The following VPS54 variants were observed in gnomAD, a reference collection of about 807,000 sequenced individuals.
VPS54 encodes VPS54 subunit of GARP complex, also known as vacuolar protein sorting-associated protein 54.
VPS54 carries 45 observed loss-of-function variants against 121.5 expected under a neutral mutation model. The ratio of observed to expected loss-of-function variants is 0.37; its 90% CI spans 0.29 to 0.47. The LOEUF is 0.47. Among genes scored for constraint, VPS54 ranks in the 20% least tolerant of loss-of-function variants. VPS54 has a pLI of 0.99. For missense variants in VPS54, 1,090 were observed against 1,131.4 expected, an observed-to-expected ratio of 0.96 and a Z score of 0.52; for synonymous variants, 371 against 385.8, an observed-to-expected ratio of 0.96 and a Z score of 0.45.
At chr2:63,988,362 A>G (rs115627954) in intron 1 of VPS54, among the ~76,000 whole-genome samples, 3,950 of 152,254 alleles carry the variant, frequency 0.026, 157 homozygotes, top group African/African-American at 0.089. Flanking sequence ...CTTGGTCATG[A>G]TGAATAATAT....
intron 4 of VPS54, among the ~76,000 whole-genome samples, chr2:63,970,558 A>T (rs547173817): frequency 5.3e-5 from 8 of 152,176 alleles, no homozygotes; most frequent in Non-Finnish European, 1.0e-4. Context: ...GAACTGCCAT[A>T]AATGCTCTAA....
chr2:63,954,547 C>T (rs1048643969), intron 7 of VPS54, among the ~76,000 whole-genome samples: 2 of 151,910 alleles, frequency 1.3e-5, no homozygotes, highest in African/African-American at 2.4e-5. Context: ...TAGAAATATT[C>T]CAGTGAATAA....
intron 12 of VPS54, 146 bp downstream of exon 12, chr2:63,933,527 T>C (rs1198675582): frequency 1.4e-6 from 1 of 696,912 alleles, no homozygotes; most frequent in East Asian, 2.8e-5. Context: ...TACATTTTTA[T>C]AGAGATACGT....
chr2:63,987,457 T>C (rs1477263727), intron 1 of VPS54, among the ~76,000 whole-genome samples: 1 of 145,562 alleles, frequency 6.9e-6, no homozygotes, highest in Non-Finnish European at 1.5e-5. Context: ...AATCACATCA[T>C]GCGGTTCTTC....
chr2:63,926,899 G>C (rs1399365352), intron 12 of VPS54, among the ~76,000 whole-genome samples: 1 of 152,182 alleles, frequency 6.6e-6, no homozygotes, highest in African/African-American at 2.4e-5. Flanking sequence ...ACAGGAGTCT[G>C]AGATCCACCT....
At chr2:63,970,984 T>C (rs886216212) in intron 4 of VPS54, among the ~76,000 whole-genome samples, 1 of 152,174 alleles carries the variant, frequency 6.6e-6, no homozygotes, top group African/African-American at 2.4e-5. Context: ...AGGCATGTTC[T>C]TCACTGCAAA....
chr2:63,984,105 A>G (rs1676930874), intron 1 of VPS54, 86 bp from the exon 2 acceptor site: 2 of 1,269,792 alleles, frequency 1.6e-6, no homozygotes, highest in African/African-American at 1.5e-5. Flanking sequence ...TTCAAAAGCA[A>G]AAGAATTTTT....
intron 1 of VPS54, among the ~76,000 whole-genome samples, chr2:63,990,805 A>T (rs952323229): frequency 3.3e-5 from 5 of 152,218 alleles, no homozygotes; most frequent in Admixed American, 1.3e-4. Flanking sequence ...AAAGGGTACA[A>T]ATGTGTCGTT....
intron 16 of VPS54, among the ~76,000 whole-genome samples, chr2:63,914,595 T>C (rs922827414): frequency 6.6e-6 from 1 of 152,176 alleles, no homozygotes; most frequent in Admixed American, 6.5e-5. Flanking sequence ...ACTCTCTGTA[T>C]GGCATTCTTA....
At chr2:63,933,529 G>T in intron 12 of VPS54, 144 bp downstream of exon 12, 1 of 698,328 alleles carries the variant, frequency 1.4e-6, no homozygotes, top group Non-Finnish European at 2.3e-6. Context: ...CATTTTTATA[G>T]AGATACGTTT....
intron 7 of VPS54, among the ~76,000 whole-genome samples, chr2:63,960,054 G>C (rs1032221076): frequency 6.6e-6 from 1 of 151,700 alleles, no homozygotes; most frequent in Non-Finnish European, 1.5e-5. Flanking sequence ...AAAATTAGCT[G>C]GGCATGGTGG....
intron 1 of VPS54, among the ~76,000 whole-genome samples, chr2:63,992,485 C>T (rs1249895640): frequency 6.6e-6 from 1 of 152,206 alleles, no homozygotes; most frequent in African/African-American, 2.4e-5. Flanking sequence ...TTAGGTTATC[C>T]TTTTTAATGG....
intron 5 of VPS54, among the ~76,000 whole-genome samples, chr2:63,966,784 A>G (rs1426772883): frequency 2.6e-5 from 4 of 152,068 alleles, no homozygotes; most frequent in Admixed American, 2.6e-4. Flanking sequence ...CCCACTATTT[A>G]CCCATTACAC....
intron 12 of VPS54, 110 bp from the exon 13 acceptor site, chr2:63,921,445 A>G: frequency 8.2e-7 from 1 of 1,223,194 alleles, no homozygotes; most frequent in South Asian, 1.6e-5. Context: ...ACATTTGAAG[A>G]AAAATTCTAT....
intron 12 of VPS54, among the ~76,000 whole-genome samples, chr2:63,926,932 G>A (rs913492991): frequency 5.9e-5 from 9 of 152,152 alleles, no homozygotes; most frequent in African/African-American, 2.2e-4. Flanking sequence ...CTTGGTGGGG[G>A]GAGAGGCGTC....
intron 7 of VPS54, 89 bp downstream of exon 7, chr2:63,961,969 A>T: frequency 7.6e-7 from 1 of 1,312,126 alleles, no homozygotes; most frequent in South Asian, 2.0e-5. Flanking sequence ...TTTAACTTTG[A>T]ATATATTCAC....
intron 22 of VPS54, among the ~76,000 whole-genome samples, chr2:63,896,277 T>G (rs1024072757): frequency 6.6e-6 from 1 of 152,194 alleles, no homozygotes; most frequent in Non-Finnish European, 1.5e-5. Context: ...TAGAGACACA[T>G]GCCAAAGTAT....
chr2:63,925,871 T>C (rs1028385066), intron 12 of VPS54, among the ~76,000 whole-genome samples: 7 of 152,200 alleles, frequency 4.6e-5, no homozygotes, highest in East Asian at 1.9e-4. Flanking sequence ...GGTAAAGTTA[T>C]AGTTCTTGAG....
intron 12 of VPS54, 68 bp from the exon 13 acceptor site, chr2:63,921,403 T>A: frequency 6.6e-7 from 1 of 1,505,860 alleles, no homozygotes; most frequent in Non-Finnish European, 8.9e-7. Context: ...AGGTGACCTA[T>A]CAATAAAAAG....
Sources: gnomAD v4.1 joint callset for allele counts (sites outside exome capture counted in the v4.1 genomes callset) on GRCh38, gnomAD v4.1.1 for gene constraint, MANE v1.5 for transcripts, NCBI Gene and HGNC (gene_info 2026-07-23, HGNC 2026-07-21) for gene names.